The following SPECC1L variants were observed in gnomAD, a reference collection of about 807,000 sequenced individuals.
The protein encoded by SPECC1L is cytospin-A.
In SPECC1L, 40 loss-of-function variants were observed where a neutral mutation model predicts 116.8. The ratio of observed to expected loss-of-function variants is 0.34; its 90% CI spans 0.27 to 0.45. The LOEUF (loss-of-function observed/expected upper bound fraction) is 0.45. SPECC1L is among the 20% of genes least tolerant of loss of function. SPECC1L has a pLI of 1.00. For missense variants in SPECC1L, 1,110 were observed against 1,373.6 expected (o/e 0.81, Z 3.03); for synonymous variants, 504 against 500.6 (o/e 1.01, Z -0.09).
chr22:24,337,847 TAGAG>T lies in SPECC1L; in HGVS notation c.2561-529_2561-526del, dbSNP rs754137331. ...TAAACTACTTTTCAGCAGTTTATTA[TAGAG>T]AGAGAGAGACTGATATGCCAACAAG... is the stretch of plus-strand genomic sequence containing the variant. On this transcript the variant is annotated intron_variant, in intron 9 of 16. Transcript: ENST00000314328. Among the ~76,000 whole-genome samples the T allele has an allele frequency of 5.5e-4, 84 of 151,928 alleles. 2 individuals carry two copies. The highest frequency in any genetic ancestry group is 3.3e-4 in the Admixed American group (5 of 15,248).
At chr22:24,303,021 A>G (rs2049413411) in intron 3 of SPECC1L, among the ~76,000 whole-genome samples, 1 of 147,376 alleles carries the variant, frequency 6.8e-6, no homozygotes, top group Admixed American at 6.6e-5. Context: ...TTTTAAATAG[A>G]TGAGATCTAT....
rs1384707716 is a variant in SPECC1L, at chr22:24,334,451, C to T, written c.2438C>T (p.Ala813Val). ...ERGRVYNYMN[A>V]VERDLAALRQ... ...GGCCGGGTATACAATTACATGAATG[C>T]CGTTGAGAGAGATTTGGCAGCCTTA... The change falls in exon 9 of 17, where the codon GCC (alanine) becomes GTC (valine). Residue 813 changes from alanine to valine, a missense_variant. Ala to Val is a moderately conservative substitution (Grantham distance 64). Coordinates refer to ENST00000314328, the MANE Select transcript of SPECC1L (RefSeq NM_015330.6). 1 of 1,613,972 alleles carries T rather than the reference C, an allele frequency of 6.2e-7. No individual in the cohort carries two copies. The highest frequency in any genetic ancestry group is 8.5e-7 in the Non-Finnish European group (1 of 1,180,014).
chr22:24,346,592 G>A (rs552541760), intron 10 of SPECC1L, among the ~76,000 whole-genome samples: 2 of 152,194 alleles, frequency 1.3e-5, no homozygotes, highest in East Asian at 3.8e-4. Flanking sequence ...ACCACATTCA[G>A]AATACCAGTG....
At chr22:24,383,977 A>C (rs1024375984) in intron 14 of SPECC1L, among the ~76,000 whole-genome samples, 1 of 152,060 alleles carries the variant, frequency 6.6e-6, no homozygotes, top group Non-Finnish European at 1.5e-5. Flanking sequence ...GGACTAAAAA[A>C]TTCATTAGCT....
Position 24,321,418 on chromosome 22 carries a change from T to A in SPECC1L, c.438T>A (p.Asn146Lys), listed in dbSNP as rs200006813. ...TACCTTCTGCAGGTCAGGGAGCTAATGACATGGCATTGGCCAAACGTTCCC... is the reference window on the plus strand; with the variant it reads ...TACCTTCTGCAGGTCAGGGAGCTAAAGACATGGCATTGGCCAAACGTTCCC... ...KKLPSAGQGA[N>K]DMALAKRSRS... The change falls in exon 5 of 17, where the codon AAT becomes AAA. Residue 146 changes from asparagine (N) to lysine (K), a missense_variant. Physicochemically the swap from Asn to Lys is moderately conservative, Grantham distance 94. Around this residue, in one of 4 missense-constraint regions of SPECC1L, gnomAD observed 437 missense variants for 482.6 expected, o/e 0.91. Transcript: ENST00000314328. The A allele has an allele frequency of 1.5e-5, 25 of 1,614,138 alleles. No homozygotes were observed. The highest frequency in any genetic ancestry group is 2.1e-5 in the Non-Finnish European group (25 of 1,180,046).
At chr22:24,338,037 ATATAGT>A (rs2146531540) in intron 9 of SPECC1L, among the ~76,000 whole-genome samples, 1 of 152,352 alleles carries the variant, frequency 6.6e-6, no homozygotes, top group African/African-American at 2.4e-5. Context: ...TTCTTACCTG[ATATAGT>A]TATGTAAATA....
intron 14 of SPECC1L, among the ~76,000 whole-genome samples, chr22:24,400,827 CAT>C (rs1474433900): frequency 6.6e-6 from 1 of 152,202 alleles, no homozygotes; most frequent in Non-Finnish European, 1.5e-5. Context: ...TGAGCCTTCT[CAT>C]GTGCTTGTTG....
At chr22:24,388,085 T>TATG (rs1350425744) in intron 14 of SPECC1L, among the ~76,000 whole-genome samples, 1 of 152,108 alleles carries the variant, frequency 6.6e-6, no homozygotes, top group Non-Finnish European at 1.5e-5. Flanking sequence ...CTTTTTTTAT[T>TATG]ATTATTATTA....
At chr22:24,351,945 C>T (rs532014883) in intron 11 of SPECC1L, among the ~76,000 whole-genome samples, 4 of 151,380 alleles carry the variant, frequency 2.6e-5, no homozygotes, top group South Asian at 2.1e-4. Flanking sequence ...GCCGAGATTG[C>T]GCCACTGCAC....
chr22:24,406,370 G>A (rs921290571), intron 14 of SPECC1L, among the ~76,000 whole-genome samples: 5 of 152,190 alleles, frequency 3.3e-5, no homozygotes, highest in Non-Finnish European at 7.3e-5. Context: ...AGGGAAGACA[G>A]GGCATGAACC....
chr22:24,274,660 T>C (rs2048796557), intron 1 of SPECC1L, among the ~76,000 whole-genome samples: 2 of 152,244 alleles, frequency 1.3e-5, no homozygotes, highest in Non-Finnish European at 2.9e-5. Context: ...ATTGTGGTTC[T>C]GTCCTTTATT....
chr22:24,400,835 T>A (rs1195029666), intron 14 of SPECC1L, among the ~76,000 whole-genome samples: 1 of 152,252 alleles, frequency 6.6e-6, no homozygotes, highest in East Asian at 1.9e-4. Context: ...CTCATGTGCT[T>A]GTTGGCTATT....
At chr22:24,410,769 G>GAA (rs2042680550) in intron 14 of SPECC1L, among the ~76,000 whole-genome samples, 1 of 152,148 alleles carries the variant, frequency 6.6e-6, no homozygotes, top group Non-Finnish European at 1.5e-5. Context: ...TCATTACAGT[G>GAA]AAAAGGGCAG....
intron 4 of SPECC1L, among the ~76,000 whole-genome samples, chr22:24,319,085 A>G (rs2040665088): frequency 1.3e-5 from 2 of 152,088 alleles, no homozygotes; most frequent in Non-Finnish European, 2.9e-5. Flanking sequence ...TCATTGATCT[A>G]CCTGCCCACA....
intron 10 of SPECC1L, 94 bp from the exon 11 acceptor site, chr22:24,346,992 C>G: frequency 1.0e-6 from 1 of 986,498 alleles, no homozygotes; most frequent in Non-Finnish European, 1.6e-6. Context: ...AGAATTAATA[C>G]GGATTTATAA....
intron 11 of SPECC1L, among the ~76,000 whole-genome samples, chr22:24,352,324 A>C (rs1056010832): frequency 6.6e-6 from 1 of 152,222 alleles, no homozygotes; most frequent in Non-Finnish European, 1.5e-5. Context: ...CATAAACCTC[A>C]GCTGGCTGGT....
chr22:24,351,144 C>T (rs2041413701), intron 11 of SPECC1L, among the ~76,000 whole-genome samples: 1 of 152,126 alleles, frequency 6.6e-6, no homozygotes, highest in South Asian at 2.1e-4. Flanking sequence ...CGAGGTTTAC[C>T]AGGGGAAACC....
At chr22:24,308,580 G>A (rs2049548628) in intron 3 of SPECC1L, among the ~76,000 whole-genome samples, 1 of 152,190 alleles carries the variant, frequency 6.6e-6, no homozygotes, top group Admixed American at 6.5e-5. Flanking sequence ...TCCACTGTCA[G>A]GTTACTGTGT....
At chr22:24,290,303 G>A (rs1405854803) in intron 2 of SPECC1L, among the ~76,000 whole-genome samples, 2 of 152,320 alleles carry the variant, frequency 1.3e-5, no homozygotes, top group East Asian at 3.9e-4. Flanking sequence ...AGGACATAGA[G>A]TACAGTTTCT....
Sources: gnomAD v4.1 joint callset for allele counts (sites outside exome capture counted in the v4.1 genomes callset) on GRCh38, gnomAD v4.1.1 for gene constraint, gnomAD v4.1.1 regional missense constraint, MANE v1.5 for transcripts, NCBI Gene and HGNC (gene_info 2026-07-23, HGNC 2026-07-21) for gene names.